ERC1: variants seen among roughly 807,000 people sequenced by gnomAD.
ERC1 encodes RAB6 interacting protein 2.
A neutral mutation model predicts 132.0 loss-of-function variants in ERC1; 56 were observed. That is an observed-to-expected ratio of 0.42 (90% CI 0.34 to 0.53). ERC1 has a LOEUF of 0.53. Ranked by LOEUF, ERC1 falls within the 20% of genes least tolerant of loss-of-function variation. The pLI, the probability that ERC1 is intolerant of heterozygous loss-of-function variation, is 0.03. For missense variants in ERC1, 1,202 were observed against 1,349.9 expected (o/e 0.89, Z 1.72); for synonymous variants, 478 against 476.1 (o/e 1.00, Z -0.05).
At chr12:1,465,607 A>G (rs376640105) in intron 18 of ERC1, among the ~76,000 whole-genome samples, 9 of 152,242 alleles carry the variant, frequency 5.9e-5, no homozygotes, top group African/African-American at 1.9e-4. Context: ...AAAATCAGAC[A>G]GGAACCCTGA....
intron 8 of ERC1, among the ~76,000 whole-genome samples, chr12:1,154,990 CTG>C (rs958330859): frequency 6.6e-6 from 1 of 152,098 alleles, no homozygotes; most frequent in African/African-American, 2.4e-5. Context: ...TTATGGAAAA[CTG>C]TATGGATATT....
intron 1 of ERC1, among the ~76,000 whole-genome samples, chr12:1,012,735 T>G (rs1964904299): frequency 6.6e-6 from 1 of 152,198 alleles, no homozygotes; most frequent in Non-Finnish European, 1.5e-5. Flanking sequence ...ATTACAGGCG[T>G]GAGCCACTGC....
chr12:1,015,924 G>A (rs914859254), intron 1 of ERC1, among the ~76,000 whole-genome samples: 2 of 150,794 alleles, frequency 1.3e-5, no homozygotes, highest in Non-Finnish European at 2.9e-5. Context: ...ACATCAGGTT[G>A]GACTAGTAAT....
chr12:1,296,399 G>GTT (rs2079938073), intron 15 of ERC1, among the ~76,000 whole-genome samples: 2 of 117,878 alleles, frequency 1.7e-5, no homozygotes, highest in African/African-American at 6.3e-5. Context: ...TTATTGGATA[G>GTT]TCTTTTTTTT....
intron 13 of ERC1, among the ~76,000 whole-genome samples, chr12:1,239,634 CT>C (rs1420553133): frequency 1.3e-5 from 2 of 152,166 alleles, no homozygotes; most frequent in Non-Finnish European, 2.9e-5. Flanking sequence ...TGGAGAATTG[CT>C]TTATCCCAGG....
At chr12:1,160,466 G>A (rs767721937) in intron 8 of ERC1, among the ~76,000 whole-genome samples, 5 of 152,134 alleles carry the variant, frequency 3.3e-5, no homozygotes, top group Non-Finnish European at 5.9e-5. Context: ...TGAGCATGGT[G>A]GCTTACACCT....
intron 7 of ERC1, among the ~76,000 whole-genome samples, chr12:1,122,547 G>GTCTCTATCTCTATCTATCTCTA (rs1947608729): frequency 1.1e-4 from 1 of 8,958 alleles, no homozygotes; most frequent in Admixed American, 9.4e-4. Flanking sequence ...CTCTATCTGT[G>GTCTCTATCTCTATCTATCTCTA]TCTCTATCTC....
intron 2 of ERC1, among the ~76,000 whole-genome samples, chr12:1,064,023 A>G (rs1938585949): frequency 6.6e-6 from 1 of 151,930 alleles, no homozygotes; most frequent in Non-Finnish European, 1.5e-5. Flanking sequence ...TTTCTCCTTC[A>G]TTTCTGAAAG....
chr12:1,163,262 AT>A (rs939349378), intron 8 of ERC1, among the ~76,000 whole-genome samples: 1 of 151,842 alleles, frequency 6.6e-6, no homozygotes, highest in Non-Finnish European at 1.5e-5. Context: ...AAGGGAGGTT[AT>A]TTTTTTTACC....
At chr12:1,102,784 A>G (rs1227649044) in intron 3 of ERC1, among the ~76,000 whole-genome samples, 1 of 152,214 alleles carries the variant, frequency 6.6e-6, no homozygotes, top group Non-Finnish European at 1.5e-5. Flanking sequence ...ACACAGGAAA[A>G]AGTAGAGCGA....
At chr12:1,200,363 A>G (rs1956789928) in intron 12 of ERC1, among the ~76,000 whole-genome samples, 2 of 152,046 alleles carry the variant, frequency 1.3e-5, no homozygotes, top group South Asian at 4.1e-4. Flanking sequence ...CCTATTTTAA[A>G]TGTTACTTTT....
chr12:1,185,453 G>A (rs956520213), intron 11 of ERC1, among the ~76,000 whole-genome samples: 5 of 144,432 alleles, frequency 3.5e-5, no homozygotes, highest in South Asian at 2.2e-4. Context: ...TTTTTAAACC[G>A]TTAATTTTGT....
intron 7 of ERC1, among the ~76,000 whole-genome samples, chr12:1,121,206 T>A (rs138120053): frequency 6.8e-4 from 103 of 152,344 alleles, no homozygotes; most frequent in African/African-American, 2.3e-3. Flanking sequence ...TAGTGCCCGA[T>A]CGATTCAAAC....
intron 2 of ERC1, among the ~76,000 whole-genome samples, chr12:1,047,902 G>A (rs1375579890): frequency 6.6e-6 from 1 of 152,108 alleles, no homozygotes; most frequent in Non-Finnish European, 1.5e-5. Context: ...CCTTATTCAA[G>A]GTGATGGAGG....
intron 8 of ERC1, chr12:1,152,787 G>A (rs567698003): frequency 6.4e-6 from 1 of 155,280 alleles, no homozygotes; most frequent in East Asian, 1.9e-4. Context: ...AAATTTCCAG[G>A]TGTGTGTGAT....
chr12:1,397,719 CA>C (rs1205624836), intron 16 of ERC1, among the ~76,000 whole-genome samples: 2 of 151,980 alleles, frequency 1.3e-5, no homozygotes, highest in East Asian at 3.8e-4. Context: ...ATAGAGGAGA[CA>C]GGGGTGGAAG....
At chr12:1,316,241 A>G (rs947715870) in intron 15 of ERC1, among the ~76,000 whole-genome samples, 2 of 152,168 alleles carry the variant, frequency 1.3e-5, no homozygotes, top group African/African-American at 2.4e-5. Flanking sequence ...AGCAGTGAAC[A>G]CTATTAAATA....
At position 1,341,820 on chromosome 12, in the gene ERC1, A is replaced by G. The variant is rs975614871; in HGVS notation, c.2781-30013A>G. 2.0e-5 allele frequency among the ~76,000 whole-genome samples: 3 copies of G among 152,352 alleles called. No homozygotes were observed. The East Asian group carries it at 5.8e-4, about 29-fold the overall frequency. On this transcript the variant is annotated intron_variant, in intron 15 of 18. Transcript: ENST00000360905. ...GAACTTAAAGTATAATTTTTAAAAAAAGAAACTTGAAGCTTTGGGATCAGC... is the reference window on the plus strand; with the variant it reads ...GAACTTAAAGTATAATTTTTAAAAAGAGAAACTTGAAGCTTTGGGATCAGC...
rs118112925 is a variant in ERC1, at chr12:1,039,492, T to C, written c.669+10920T>C. Among the ~76,000 whole-genome samples, 1,165 of 151,490 alleles carry C rather than the reference T, an allele frequency of 7.7e-3. 6 individuals are homozygous for C. Among genetic ancestry groups the C allele is most frequent in the Non-Finnish European group, 0.012 (844 of 67,818 alleles). On this transcript the variant is annotated intron_variant, in intron 2 of 18. Transcript: ENST00000360905. ...CTGCAGTGAGCTGTGAGTGCACTAC[T>C]GCACTTCCACCTGGGTGACAGAGCA... is the stretch of plus-strand genomic sequence containing the variant.
Sources: gnomAD v4.1 joint callset for allele counts (sites outside exome capture counted in the v4.1 genomes callset) on GRCh38, gnomAD v4.1.1 for gene constraint, MANE v1.5 for transcripts, NCBI Gene and HGNC (gene_info 2026-07-23, HGNC 2026-07-21) for gene names.